ME3: variants seen among roughly 807,000 people sequenced by gnomAD.
The protein encoded by ME3 is NADP-dependent malic enzyme, mitochondrial.
A neutral mutation model predicts 68.9 loss-of-function variants in ME3; 48 were observed. The ratio of observed to expected loss-of-function variants is 0.70; its 90% CI spans 0.55 to 0.89. ME3 has a LOEUF of 0.89. Among genes scored for constraint, ME3 ranks in the 40% least tolerant of loss-of-function variants. The probability of loss-of-function intolerance (pLI) is 0.00; values close to 1 mark genes in which losing one functional copy is unlikely to be tolerated. For missense variants in ME3, 675 were observed against 797.4 expected, an observed-to-expected ratio of 0.85 and a Z score of 1.85; for synonymous variants, 320 against 318.8, an observed-to-expected ratio of 1.00 and a Z score of -0.04.
chr11:86,458,774 A>C (rs1950081123), intron 8 of ME3, among the ~76,000 whole-genome samples: 1 of 152,112 alleles, frequency 6.6e-6, no homozygotes, highest in Non-Finnish European at 1.5e-5. Flanking sequence ...TTGACCCCCG[A>C]CAGCTGGAAA....
chr11:86,584,210 A>G (rs1377451105), intron 2 of ME3, among the ~76,000 whole-genome samples: 1 of 152,234 alleles, frequency 6.6e-6, no homozygotes, highest in Non-Finnish European at 1.5e-5. Flanking sequence ...AGGTATATGA[A>G]AAGATGCTCA....
chr11:86,555,145 G>T (rs1049232561), intron 4 of ME3, among the ~76,000 whole-genome samples: 1 of 152,178 alleles, frequency 6.6e-6, no homozygotes, highest in Non-Finnish European at 1.5e-5. Flanking sequence ...AAGAACATCA[G>T]TGTACTTGGG....
intron 4 of ME3, among the ~76,000 whole-genome samples, chr11:86,532,808 C>G (rs1281960476): frequency 6.6e-6 from 1 of 152,194 alleles, no homozygotes; most frequent in Admixed American, 6.5e-5. Flanking sequence ...GCCTGTAACC[C>G]CAGCATTTTG....
chr11:86,592,875 G>C (rs1174557376), intron 2 of ME3, among the ~76,000 whole-genome samples: 1 of 152,202 alleles, frequency 6.6e-6, no homozygotes, highest in Non-Finnish European at 1.5e-5. Flanking sequence ...TGATGGGGGA[G>C]AGCACAGAAC....
At chr11:86,578,156 T>C (rs1398358044) in intron 2 of ME3, among the ~76,000 whole-genome samples, 1 of 152,200 alleles carries the variant, frequency 6.6e-6, no homozygotes, top group Admixed American at 6.5e-5. Context: ...CAAAATTCCC[T>C]GTGTTATTCT....
At chr11:86,457,784 G>GTT in intron 8 of ME3, 2 of 1,251,260 alleles carry the variant, frequency 1.6e-6, no homozygotes, top group South Asian at 1.3e-5. Flanking sequence ...AGAAAAAGAA[G>GTT]TTTTTTTTTC....
rs200949546 is a variant in ME3, at chr11:86,556,584, G to A, written c.436C>T (p.Gln146Ter). The A allele has an allele frequency of 2.2e-5, 35 of 1,614,104 alleles. No individual in the cohort carries two copies. Among genetic ancestry groups the A allele is most frequent in the Non-Finnish European group, 3.0e-5 (35 of 1,179,982 alleles). ...CTGCGGAAAGTCAGGCCATAGTGCT[G>A]ACAGGCCAGCCCCACGGTAGGCGTG... is the stretch of plus-strand genomic sequence containing the variant. Residue 146 changes from glutamine (Q) to a stop codon, truncating the protein, a stop_gained, in exon 4 of 15, where the codon CAG (glutamine) becomes TAG (stop). Transcript: ENST00000543262. LOFTEE classifies it high-confidence loss of function.
At chr11:86,553,365 G>C (rs113995911) in intron 4 of ME3, among the ~76,000 whole-genome samples, 1 of 152,190 alleles carries the variant, frequency 6.6e-6, no homozygotes, top group Admixed American at 6.5e-5. Context: ...AGTGTTTATC[G>C]TTTCAGAAAC....
Position 86,473,871 on chromosome 11 carries a change from T to C in ME3, c.810-8671A>G, listed in dbSNP as rs188096267. 2.6e-5 allele frequency among the ~76,000 whole-genome samples: 4 copies of C among 152,316 alleles called. No individual in the cohort carries two copies. The East Asian group carries it at 7.7e-4, about 29-fold the overall frequency. Reference sequence around the variant, plus strand: ...TGGGCATAATGATTATCTTCAATCATAGGAACGACTGTTTGTGGACAAGGA... The same window carrying C: ...TGGGCATAATGATTATCTTCAATCACAGGAACGACTGTTTGTGGACAAGGA... On this transcript the variant is annotated intron_variant, in intron 7 of 14. Coordinates refer to ENST00000543262, the Ensembl canonical transcript of ME3.
intron 4 of ME3, among the ~76,000 whole-genome samples, chr11:86,523,223 A>G (rs1228562067): frequency 1.3e-5 from 2 of 152,356 alleles, no homozygotes; most frequent in Non-Finnish European, 2.9e-5. Context: ...TTTAGCTCCC[A>G]TTGGGAACAT....
At chr11:86,458,492 T>C (rs964336984) in intron 8 of ME3, among the ~76,000 whole-genome samples, 1 of 152,052 alleles carries the variant, frequency 6.6e-6, no homozygotes, top group Non-Finnish European at 1.5e-5. Context: ...TCTTGGCTTC[T>C]CTGGAGGTTC....
Position 86,567,273 on chromosome 11 carries a change from AGG to A in ME3, c.184-7452_184-7451del. On this transcript the variant is annotated intron_variant, in intron 2 of 14. Transcript: ENST00000543262. ...AAGGAAGGAAGGAAGGAAGGAAGGA[AGG>A]AAGGGAGGAAAAGAGTGAATGAAAG... Among the ~76,000 whole-genome samples the A allele has an allele frequency of 2.0e-5, 3 of 151,420 alleles. No homozygotes were observed. The South Asian group carries it at 6.3e-4, about 32-fold the overall frequency.
At chr11:86,509,040 A>G (rs1297488894) in intron 4 of ME3, among the ~76,000 whole-genome samples, 173 bp from the exon 5 acceptor site, 4 of 152,122 alleles carry the variant, frequency 2.6e-5, no homozygotes, top group Non-Finnish European at 2.9e-5. Context: ...CTTTCTTCCA[A>G]TTGCTTCTCT....
intron 6 of ME3, among the ~76,000 whole-genome samples, chr11:86,497,292 T>C (rs612163): frequency 0.92 from 139,931 of 152,296 alleles, 64,428 homozygotes; most frequent in Non-Finnish European, 0.95. Flanking sequence ...GCCTCAATAA[T>C]ATGCACTGAT....
At chr11:86,535,548 A>G (rs1365234051) in intron 4 of ME3, among the ~76,000 whole-genome samples, 1 of 151,768 alleles carries the variant, frequency 6.6e-6, no homozygotes, top group Non-Finnish European at 1.5e-5. Context: ...AATAAGGGAT[A>G]AAGTCTATCC....
chr11:86,481,583 G>T (rs1471504433), intron 7 of ME3, among the ~76,000 whole-genome samples: 1 of 152,158 alleles, frequency 6.6e-6, no homozygotes, highest in Non-Finnish European at 1.5e-5. Flanking sequence ...TTGGGAGTGG[G>T]TGTGGGGGTG....
chr11:86,649,129 G>T (rs542782145), intron 2 of ME3, among the ~76,000 whole-genome samples: 80 of 152,170 alleles, frequency 5.3e-4, no homozygotes, highest in Non-Finnish European at 1.0e-3. Context: ...CATCAACTTG[G>T]CTTCATCCCT....
At chr11:86,446,964 G>T (rs1949338088) in intron 12 of ME3, 101 bp downstream of exon 12, 5 of 1,407,106 alleles carry the variant, frequency 3.6e-6, no homozygotes, top group Non-Finnish European at 3.8e-6. Context: ...AATTCAGTTT[G>T]CTCATCAGCG....
At chr11:86,560,728 G>GTA (rs1375293312) in intron 2 of ME3, among the ~76,000 whole-genome samples, 1 of 98,004 alleles carries the variant, frequency 1.0e-5, no homozygotes. Context: ...GTGTGTGTAT[G>GTA]TGTGTGTGTG....
Sources: gnomAD v4.1 joint callset for allele counts (sites outside exome capture counted in the v4.1 genomes callset) on GRCh38, gnomAD v4.1.1 for gene constraint, MANE v1.5 for transcripts, NCBI Gene and HGNC (gene_info 2026-07-23, HGNC 2026-07-21) for gene names.